The following TRIO variants were observed in gnomAD, a reference collection of about 807,000 sequenced individuals.
TRIO encodes the protein trio Rho guanine nucleotide exchange factor, also known as triple functional domain protein.
In TRIO, 58 loss-of-function variants were observed where a neutral mutation model predicts 351.9. That is an observed-to-expected ratio of 0.16 (90% CI 0.13 to 0.21). The LOEUF is 0.21. Among genes scored for constraint, TRIO ranks in the 10% least tolerant of loss-of-function variants. The pLI is 1.00. For missense variants in TRIO, 3,201 were observed against 4,027.8 expected (o/e 0.79, Z 5.56); for synonymous variants, 1,758 against 1,595.7 (o/e 1.10, Z -2.42).
At chr5:14,394,877 A>G (rs1425314706) in intron 28 of TRIO, among the ~76,000 whole-genome samples, 1 of 152,166 alleles carries the variant, frequency 6.6e-6, no homozygotes, top group East Asian at 1.9e-4. Context: ...ATCAATACAC[A>G]TTTTCTTGAC....
intron 1 of TRIO, among the ~76,000 whole-genome samples, chr5:14,263,140 G>T (rs540349187): frequency 6.6e-6 from 1 of 152,124 alleles, no homozygotes; most frequent in African/African-American, 2.4e-5. Context: ...CATCGCTCTG[G>T]CCCTGATTTT....
intron 34 of TRIO, among the ~76,000 whole-genome samples, chr5:14,459,252 C>T (rs1351362274): frequency 1.3e-5 from 2 of 152,234 alleles, no homozygotes; most frequent in African/African-American, 2.4e-5. Context: ...AACTCTGCTC[C>T]TGTAATCACA....
intron 7 of TRIO, among the ~76,000 whole-genome samples, chr5:14,300,543 T>G (rs30635): frequency 0.47 from 72,230 of 152,116 alleles, 19,691 homozygotes; most frequent in Non-Finnish European, 0.6. Flanking sequence ...TCCGATCACC[T>G]TAATTTATCT....
At chr5:14,236,424 A>G (rs1379407562) in intron 1 of TRIO, among the ~76,000 whole-genome samples, 2 of 152,186 alleles carry the variant, frequency 1.3e-5, no homozygotes, top group African/African-American at 2.4e-5. Flanking sequence ...CAGTACACCA[A>G]ACGTAACTCT....
intron 1 of TRIO, among the ~76,000 whole-genome samples, chr5:14,164,385 T>C (rs1029528982): frequency 1.3e-5 from 2 of 152,226 alleles, no homozygotes; most frequent in Non-Finnish European, 2.9e-5. Flanking sequence ...TGCCCCAGAA[T>C]GGGCTAGCTC....
chr5:14,419,799 A>G lies in TRIO; in HGVS notation c.4981A>G (p.Thr1661Ala), dbSNP rs911915894. The G allele has an allele frequency of 6.2e-7, 1 of 1,614,010 alleles. No homozygotes were observed. Among genetic ancestry groups the G allele is most frequent in the African/African-American group, 1.3e-5 (1 of 74,886 alleles). ...SDKLSGGCEL[T>A]VVIHDFTACN... Reference sequence around the variant, plus strand: ...CCAGCTCTCTGGTGGCTGTGAGCTGACAGTGGTGATCCATGACTTCACCGC... The same window carrying G: ...CCAGCTCTCTGGTGGCTGTGAGCTGGCAGTGGTGATCCATGACTTCACCGC... Residue 1661 changes from threonine to alanine, a missense_variant, in exon 34 of 57, where the codon ACA (threonine) becomes GCA (alanine). Transcript: ENST00000344204.
At chr5:14,243,317 G>A (rs200966726) in intron 1 of TRIO, among the ~76,000 whole-genome samples, 2 of 143,302 alleles carry the variant, frequency 1.4e-5, no homozygotes, top group African/African-American at 2.6e-5. Context: ...GACATGAAAT[G>A]TTTTTTTTTT....
At chr5:14,391,730 CTTG>C (rs1254596035) in intron 27 of TRIO, among the ~76,000 whole-genome samples, 4 of 152,212 alleles carry the variant, frequency 2.6e-5, no homozygotes, top group African/African-American at 9.7e-5. Context: ...GGATGTTGGA[CTTG>C]TTTTCTGTCT....
At chr5:14,274,753 A>C (rs1466448392) in intron 2 of TRIO, among the ~76,000 whole-genome samples, 1 of 152,196 alleles carries the variant, frequency 6.6e-6, no homozygotes, top group Non-Finnish European at 1.5e-5. Context: ...TTTCAAATGC[A>C]TGATTTTAAA....
intron 53 of TRIO, 155 bp downstream of exon 53, chr5:14,498,795 AC>A: frequency 8.4e-7 from 1 of 1,186,406 alleles, no homozygotes; most frequent in Non-Finnish European, 1.2e-6. Flanking sequence ...TAAGTAGCAG[AC>A]CAGAGTGTCT....
chr5:14,144,406 G>C (rs1787365583), intron 1 of TRIO, among the ~76,000 whole-genome samples: 1 of 152,190 alleles, frequency 6.6e-6, no homozygotes, highest in African/African-American at 2.4e-5. Flanking sequence ...TCTTTGCTTG[G>C]CCCTCTAGCC....
intron 48 of TRIO, 93 bp from the exon 49 acceptor site, chr5:14,492,474 G>T: frequency 1.3e-6 from 2 of 1,548,658 alleles, no homozygotes; most frequent in East Asian, 4.5e-5. Context: ...CGGGGTCATG[G>T]TGCCATGGGG....
At chr5:14,402,873 G>A (rs1317631853) in intron 31 of TRIO, among the ~76,000 whole-genome samples, 1 of 152,172 alleles carries the variant, frequency 6.6e-6, no homozygotes, top group Admixed American at 6.5e-5. Flanking sequence ...TGGTAGTGTA[G>A]ATGGTGGTGA....
intron 41 of TRIO, among the ~76,000 whole-genome samples, chr5:14,478,342 C>A (rs1361262089): frequency 6.6e-6 from 1 of 152,106 alleles, no homozygotes; most frequent in Non-Finnish European, 1.5e-5. Flanking sequence ...TGCCAAGGTG[C>A]CAGCAATTTC....
chr5:14,296,890 T>A (rs1334915355), intron 6 of TRIO, among the ~76,000 whole-genome samples, 182 bp from the exon 7 acceptor site: 1 of 152,232 alleles, frequency 6.6e-6, no homozygotes, highest in Non-Finnish European at 1.5e-5. Flanking sequence ...AACCAATACT[T>A]CAAGTTTATG....
chr5:14,388,091 A>G, intron 23 of TRIO: 2 of 515,946 alleles, frequency 3.9e-6, no homozygotes, highest in Non-Finnish European at 3.4e-6. Context: ...ATGAATTGTC[A>G]TTAATAGATA....
At chr5:14,171,207 C>T (rs138683167) in intron 1 of TRIO, among the ~76,000 whole-genome samples, 32 of 152,086 alleles carry the variant, frequency 2.1e-4, no homozygotes, top group African/African-American at 6.5e-4. Context: ...TTTGCATGAC[C>T]ACAAAGAACT....
intron 54 of TRIO, among the ~76,000 whole-genome samples, chr5:14,504,156 C>T (rs1245578321): frequency 6.6e-5 from 10 of 152,204 alleles, no homozygotes; most frequent in African/African-American, 1.7e-4. Context: ...CAGCCACCGA[C>T]GTGAGGAGAC....
chr5:14,252,456 C>T (rs746155621), intron 1 of TRIO, among the ~76,000 whole-genome samples: 85 of 152,216 alleles, frequency 5.6e-4, no homozygotes, highest in Non-Finnish European at 9.7e-4. Flanking sequence ...GTCAGAGTGG[C>T]AGGAATGCCC....
Sources: gnomAD v4.1 joint callset for allele counts (sites outside exome capture counted in the v4.1 genomes callset) on GRCh38, gnomAD v4.1.1 for gene constraint, MANE v1.5 for transcripts, NCBI Gene and HGNC (gene_info 2026-07-23, HGNC 2026-07-21) for gene names.